Variants in CADM2 observed in about 807,000 individuals in gnomAD.
CADM2 encodes cell adhesion molecule 2, also known as immunoglobulin superfamily member 4D.
A neutral mutation model predicts 49.8 loss-of-function variants in CADM2; 12 were observed. The observed-to-expected ratio is 0.24, with a 90% CI of 0.15 to 0.39. The LOEUF is 0.39. Ranked by LOEUF, CADM2 falls within the 10% of genes least tolerant of loss-of-function variation. The pLI, the probability that CADM2 is intolerant of heterozygous loss-of-function variation, is 1.00. For synonymous variants in CADM2, 214 were observed against 175.4 expected (o/e 1.22, Z -1.74); for missense variants, 378 against 492.3 (o/e 0.77, Z 2.20).
intron 1 of CADM2, among the ~76,000 whole-genome samples, chr3:85,543,421 T>TGTGTGTGGGGGGGTGTGTGTGTGTGG (rs1491106808): frequency 7.2e-5 from 3 of 41,852 alleles, no homozygotes; most frequent in Admixed American, 3.7e-4. Flanking sequence ...GCCAAGCTAA[T>TGTGTGTGGGGGGGTGTGTGTGTGTGG]GTGTGTGTGT....
chr3:85,890,464 GA>G (rs1458509787), intron 5 of CADM2, among the ~76,000 whole-genome samples: 1 of 152,104 alleles, frequency 6.6e-6, no homozygotes, highest in Non-Finnish European at 1.5e-5. Flanking sequence ...TACCTGTGAA[GA>G]AAAGCTGGTA....
At chr3:86,007,773 G>C (rs1559796997) in intron 8 of CADM2, among the ~76,000 whole-genome samples, 1 of 152,128 alleles carries the variant, frequency 6.6e-6, no homozygotes, top group Non-Finnish European at 1.5e-5. Context: ...GGAGTTTCTG[G>C]CTTCTCTACG....
At chr3:85,934,168 T>C (rs1720920230) in intron 6 of CADM2, among the ~76,000 whole-genome samples, 1 of 152,106 alleles carries the variant, frequency 6.6e-6, no homozygotes, top group African/African-American at 2.4e-5. Flanking sequence ...TTCTTTATAA[T>C]ATGTCATGGG....
intron 1 of CADM2, among the ~76,000 whole-genome samples, chr3:85,260,922 C>A (rs908679100): frequency 6.6e-6 from 1 of 152,062 alleles, no homozygotes; most frequent in Non-Finnish European, 1.5e-5. Flanking sequence ...AGTTTGCAAT[C>A]GGTTCTCAGA....
intron 1 of CADM2, among the ~76,000 whole-genome samples, chr3:85,348,189 G>A (rs2030960612): frequency 6.6e-6 from 1 of 152,014 alleles, no homozygotes; most frequent in Non-Finnish European, 1.5e-5. Flanking sequence ...TCAGCCAATT[G>A]CAAAACTGCT....
chr3:86,043,731 A>G (rs1559821115), intron 8 of CADM2, among the ~76,000 whole-genome samples: 1 of 152,188 alleles, frequency 6.6e-6, no homozygotes, highest in Non-Finnish European at 1.5e-5. Flanking sequence ...ATATGGAACC[A>G]AAAAAGAGAC....
At chr3:85,851,574 C>A (rs542692268) in intron 3 of CADM2, among the ~76,000 whole-genome samples, 5 of 149,588 alleles carry the variant, frequency 3.3e-5, no homozygotes, top group Non-Finnish European at 7.4e-5. Context: ...AATTTAAGTC[C>A]GAGAATAAGC....
At position 85,953,996 on chromosome 3, in the gene CADM2, A is replaced by G. The variant is rs200960622; in HGVS notation, c.792-7473A>G. On this transcript the variant is annotated intron_variant, in intron 7 of 9. Transcript: ENST00000383699. Reference sequence around the variant, plus strand: ...TGCATACATGTATAAAGACTATCAGACACATAGATGTTTCATTTATTATAT... The same window carrying G: ...TGCATACATGTATAAAGACTATCAGGCACATAGATGTTTCATTTATTATAT... 4.1e-4 allele frequency among the ~76,000 whole-genome samples: 62 copies of G among 151,088 alleles called. 1 individual carries two copies. In the East Asian group the frequency reaches 6.4e-3, roughly 16 times the overall value.
At chr3:86,038,829 A>T (rs1024923854) in intron 8 of CADM2, among the ~76,000 whole-genome samples, 1 of 152,114 alleles carries the variant, frequency 6.6e-6, no homozygotes, top group Non-Finnish European at 1.5e-5. Context: ...TTGTTAAATG[A>T]TTTTCCTAGG....
At chr3:85,790,056 T>C (rs959715117) in intron 2 of CADM2, among the ~76,000 whole-genome samples, 1 of 152,156 alleles carries the variant, frequency 6.6e-6, no homozygotes, top group African/African-American at 2.4e-5. Flanking sequence ...TGGGATATTG[T>C]AAATTAAGAA....
At chr3:85,323,654 A>G (rs951348432) in intron 1 of CADM2, among the ~76,000 whole-genome samples, 1 of 152,154 alleles carries the variant, frequency 6.6e-6, no homozygotes, top group Non-Finnish European at 1.5e-5. Context: ...TCTGGATCCC[A>G]TACTCACCAC....
chr3:85,427,190 A>G (rs1461111373), intron 1 of CADM2, among the ~76,000 whole-genome samples: 2 of 131,922 alleles, frequency 1.5e-5, no homozygotes, highest in East Asian at 4.4e-4. Flanking sequence ...ATATATATAT[A>G]TATATATATA....
In CADM2 at chr3:85,296,042, A is replaced by G. The variant is rs377226909; in HGVS notation, c.61+336374A>G. Among the ~76,000 whole-genome samples the G allele has an allele frequency of 8.5e-5, 13 of 152,190 alleles. 1 individual carries two copies. The East Asian group carries it at 2.1e-3, about 25-fold the overall frequency. Reference sequence around the variant, plus strand: ...ATGGGTGACTAAAGCTCAGTATGAAATCTTGTATAAATAATAAAAGCCACT... The same window carrying G: ...ATGGGTGACTAAAGCTCAGTATGAAGTCTTGTATAAATAATAAAAGCCACT... On this transcript the variant is annotated intron_variant, in intron 1 of 9. Coordinates refer to ENST00000383699, the MANE Select transcript of CADM2 (RefSeq NM_001167675.2).
chr3:85,600,298 C>T (rs909715907), intron 1 of CADM2, among the ~76,000 whole-genome samples: 5 of 151,902 alleles, frequency 3.3e-5, no homozygotes, highest in Admixed American at 2.0e-4. Flanking sequence ...TAGCTGAGGT[C>T]CTAAGAGATT....
intron 5 of CADM2, 54 bp from the exon 6 acceptor site, chr3:85,912,319 A>C: frequency 7.5e-7 from 1 of 1,336,212 alleles, no homozygotes; most frequent in Non-Finnish European, 1.0e-6. Context: ...GAGTAAATGC[A>C]ATCTGTTTTA....
intron 2 of CADM2, among the ~76,000 whole-genome samples, chr3:85,750,551 G>A (rs1268474471): frequency 6.6e-6 from 1 of 152,070 alleles, no homozygotes; most frequent in African/African-American, 2.4e-5. Flanking sequence ...CAATCATTGT[G>A]TTCTTTAAAT....
intron 3 of CADM2, among the ~76,000 whole-genome samples, chr3:85,817,074 C>T (rs2073252769): frequency 6.6e-6 from 1 of 152,194 alleles, no homozygotes; most frequent in Admixed American, 6.5e-5. Flanking sequence ...TCCCTGCAGG[C>T]TCTTGTGAGC....
chr3:85,631,339 C>T (rs2064299625), intron 1 of CADM2, among the ~76,000 whole-genome samples: 1 of 152,068 alleles, frequency 6.6e-6, no homozygotes, highest in South Asian at 2.1e-4. Flanking sequence ...TATAGAAGAG[C>T]TTAATAAATG....
chr3:84,979,102 A>C (rs1431759358), intron 1 of CADM2, among the ~76,000 whole-genome samples: 2 of 151,986 alleles, frequency 1.3e-5, no homozygotes, highest in Non-Finnish European at 2.9e-5. Flanking sequence ...TTGAAGACTG[A>C]CTCCAATTCA....
Sources: gnomAD v4.1 joint callset for allele counts (sites outside exome capture counted in the v4.1 genomes callset) on GRCh38, gnomAD v4.1.1 for gene constraint, MANE v1.5 for transcripts, NCBI Gene and HGNC (gene_info 2026-07-23, HGNC 2026-07-21) for gene names.